C8orf34: variants seen among roughly 807,000 people sequenced by gnomAD.
C8orf34 encodes the protein uncharacterized protein C8orf34.
C8orf34 carries 65 observed loss-of-function variants against 68.3 expected under a neutral mutation model. The observed-to-expected ratio is 0.95, with a 90% CI of 0.78 to 1.17. The LOEUF is 1.17. Among genes scored for constraint, C8orf34 ranks in the 50% most tolerant of loss-of-function variants. C8orf34 has a pLI of 0.00. For missense variants in C8orf34, 664 were observed against 655.4 expected (o/e 1.01, Z -0.14); for synonymous variants, 244 against 241.2 (o/e 1.01, Z -0.11).
intron 12 of C8orf34, among the ~76,000 whole-genome samples, chr8:68,802,226 G>A (rs578009814): frequency 5.9e-5 from 9 of 151,872 alleles, no homozygotes; most frequent in Non-Finnish European, 1.3e-4. Flanking sequence ...TCAGCCTCCC[G>A]AGTAGCTGGG....
intron 8 of C8orf34, among the ~76,000 whole-genome samples, chr8:68,704,696 A>G (rs1004683864): frequency 6.6e-6 from 1 of 152,158 alleles, no homozygotes; most frequent in African/African-American, 2.4e-5. Context: ...TTGTGATTAT[A>G]TACTCATGTT....
At chr8:68,362,468 G>A (rs1317686549) in intron 1 of C8orf34, among the ~76,000 whole-genome samples, 1 of 152,228 alleles carries the variant, frequency 6.6e-6, no homozygotes, top group Non-Finnish European at 1.5e-5. Flanking sequence ...CTCCCAGCGT[G>A]AGCGACGCAG....
At chr8:68,373,638 T>A (rs924525649) in intron 1 of C8orf34, among the ~76,000 whole-genome samples, 1 of 152,204 alleles carries the variant, frequency 6.6e-6, no homozygotes, top group Non-Finnish European at 1.5e-5. Flanking sequence ...AACTTAATGG[T>A]AAAATTTATT....
At chr8:68,628,343 A>G (rs1818596334) in intron 7 of C8orf34, among the ~76,000 whole-genome samples, 2 of 152,160 alleles carry the variant, frequency 1.3e-5, no homozygotes, top group African/African-American at 2.4e-5. Flanking sequence ...AAAATAGAGA[A>G]CCAACAGAAA....
chr8:68,514,774 A>G (rs1814432774), intron 5 of C8orf34, among the ~76,000 whole-genome samples: 1 of 152,156 alleles, frequency 6.6e-6, no homozygotes, highest in Non-Finnish European at 1.5e-5. Flanking sequence ...AATTTTTTCT[A>G]TAATTGGTCT....
At chr8:68,467,731 A>G (rs1031000045) in intron 3 of C8orf34, among the ~76,000 whole-genome samples, 4 of 151,954 alleles carry the variant, frequency 2.6e-5, no homozygotes, top group African/African-American at 9.7e-5. Context: ...TCAGTCCTTC[A>G]AAGTATCCTA....
At chr8:68,509,937 AG>A (rs1387249440) in intron 5 of C8orf34, among the ~76,000 whole-genome samples, 1 of 152,134 alleles carries the variant, frequency 6.6e-6, no homozygotes, top group African/African-American at 2.4e-5. Context: ...TGCTGTCGGT[AG>A]GCTCAAATTT....
intron 8 of C8orf34, among the ~76,000 whole-genome samples, chr8:68,650,462 C>T (rs1333540976): frequency 2.0e-5 from 3 of 151,252 alleles, no homozygotes; most frequent in Non-Finnish European, 4.4e-5. Context: ...AAAAGGCTGG[C>T]CGCCCCACCC....
intron 4 of C8orf34, among the ~76,000 whole-genome samples, chr8:68,471,224 G>A (rs1312874129): frequency 2.0e-5 from 3 of 152,028 alleles, no homozygotes; most frequent in Non-Finnish European, 2.9e-5. Flanking sequence ...ATTCTGGTGG[G>A]ATTTATGTGA....
At chr8:68,636,757 T>A (rs144989550) in intron 7 of C8orf34, among the ~76,000 whole-genome samples, 50 of 152,310 alleles carry the variant, frequency 3.3e-4, no homozygotes, top group African/African-American at 1.2e-3. Context: ...CTTTTTCATC[T>A]TTTTTGTTGC....
intron 8 of C8orf34, among the ~76,000 whole-genome samples, chr8:68,656,393 T>C (rs1469462295): frequency 6.6e-6 from 1 of 152,186 alleles, no homozygotes; most frequent in Admixed American, 6.5e-5. Flanking sequence ...CAACTGTATG[T>C]ATGAAGAAAT....
chr8:68,808,841 A>G (rs1221285184), intron 12 of C8orf34, among the ~76,000 whole-genome samples: 2 of 152,144 alleles, frequency 1.3e-5, no homozygotes, highest in Non-Finnish European at 2.9e-5. Flanking sequence ...TCTTTTGCTT[A>G]TTATTAGGTT....
intron 1 of C8orf34, among the ~76,000 whole-genome samples, chr8:68,387,810 T>C (rs1335778068): frequency 6.6e-6 from 1 of 152,206 alleles, no homozygotes; most frequent in Non-Finnish European, 1.5e-5. Flanking sequence ...TAATAGAGCA[T>C]GAATGTGACA....
At chr8:68,690,124 C>A (rs565240197) in intron 8 of C8orf34, among the ~76,000 whole-genome samples, 2 of 152,084 alleles carry the variant, frequency 1.3e-5, no homozygotes, top group East Asian at 3.9e-4. Context: ...ATGTGTTAGG[C>A]TATAAAAGTT....
At chr8:68,696,307 T>A (rs1000490415) in intron 8 of C8orf34, among the ~76,000 whole-genome samples, 3 of 148,248 alleles carry the variant, frequency 2.0e-5, no homozygotes, top group Non-Finnish European at 4.5e-5. Context: ...GGACTATATA[T>A]ATATCATACA....
At chr8:68,436,730 C>A (rs139139663) in intron 1 of C8orf34, among the ~76,000 whole-genome samples, 1 of 152,084 alleles carries the variant, frequency 6.6e-6, no homozygotes, top group Non-Finnish European at 1.5e-5. Context: ...GTGAATGATT[C>A]CTGTAAAACT....
rs937978433 is a variant in C8orf34, at chr8:68,782,359, A to T, written c.1456-5084A>T. Among the ~76,000 whole-genome samples, 4 of 152,148 alleles carry T rather than the reference A, an allele frequency of 2.6e-5. No individual in the cohort carries two copies. The East Asian group carries it at 7.7e-4, about 29-fold the overall frequency. On this transcript the variant is annotated intron_variant, in intron 11 of 13. Coordinates refer to ENST00000518698, the MANE Select transcript of C8orf34 (RefSeq NM_052958.4). ...TCAAATTTAATAATTCATAAATTTA[A>T]AAAAAAGCAAGTTAAAGTCCTTACA...
intron 7 of C8orf34, among the ~76,000 whole-genome samples, chr8:68,610,575 C>A (rs1361635472): frequency 6.6e-6 from 1 of 152,134 alleles, no homozygotes; most frequent in Non-Finnish European, 1.5e-5. Flanking sequence ...GCTTCATTTG[C>A]ATACTCAGCA....
intron 7 of C8orf34, chr8:68,625,656 G>T (rs1586471252): frequency 2.9e-6 from 2 of 701,194 alleles, no homozygotes; most frequent in Non-Finnish European, 5.2e-6. Flanking sequence ...GGTGGGAAAG[G>T]TATGTCATGT....
Sources: gnomAD v4.1 joint callset for allele counts (sites outside exome capture counted in the v4.1 genomes callset) on GRCh38, gnomAD v4.1.1 for gene constraint, MANE v1.5 for transcripts, NCBI Gene and HGNC (gene_info 2026-07-23, HGNC 2026-07-21) for gene names.